The following ABCC8 variants were observed in gnomAD, a reference collection of about 807,000 sequenced individuals.
ABCC8 encodes the protein ATP binding cassette subfamily C member 8.
ABCC8 carries 137 observed loss-of-function variants against 188.0 expected under a neutral mutation model. That is an observed-to-expected ratio of 0.73 (90% CI 0.63 to 0.84). The LOEUF (loss-of-function observed/expected upper bound fraction) is 0.84. Ranked by LOEUF, ABCC8 falls within the 40% of genes least tolerant of loss-of-function variation. The probability of loss-of-function intolerance (pLI) is 0.00; values close to 1 mark genes in which losing one functional copy is unlikely to be tolerated. For synonymous variants in ABCC8, 797 were observed against 846.5 expected, an observed-to-expected ratio of 0.94 and a Z score of 1.01; for missense variants, 1,750 against 2,072.7, an observed-to-expected ratio of 0.84 and a Z score of 3.02.
At position 17,428,323 on chromosome 11, in the gene ABCC8, C is replaced by T; in HGVS notation, c.2006G>A (p.Ser669Asn). ...GCAGTTGTCAGCATCGCCATCTGCA[C>T]TGGGGACCAGGCTCTGCAGTGGGCC... ...LTGPLQSLVP[S>N]ADGDADNCCV... is the part of the protein sequence containing the mutation. The change falls in exon 14 of 39, where the codon AGT (serine) becomes AAT (asparagine). Residue 669 changes from serine to asparagine, a missense_variant. Ser to Asn is a conservative substitution (Grantham distance 46). Coordinates refer to ENST00000389817, the MANE Select transcript of ABCC8 (RefSeq NM_000352.6). 1.2e-6 allele frequency: 2 copies of T among 1,614,194 alleles called. No homozygotes were observed. The highest frequency in any genetic ancestry group is 1.7e-6 in the Non-Finnish European group (2 of 1,180,042).
chr11:17,428,027 T>C, intron 14 of ABCC8, 85 bp from the exon 15 acceptor site: 2 of 1,586,240 alleles, frequency 1.3e-6, no homozygotes, highest in Admixed American at 1.8e-5. Context: ...CCCTCCTCCA[T>C]GAAAGCCAAA....
At chr11:17,431,106 TC>T in intron 11 of ABCC8, 147 bp from the exon 12 acceptor site, 1 of 1,295,680 alleles carries the variant, frequency 7.7e-7, no homozygotes, top group Non-Finnish European at 1.1e-6. Context: ...ACCTTCATCA[TC>T]CCCACAGTCA....
At chr11:17,419,688 T>C (rs1387051794) in intron 16 of ABCC8, among the ~76,000 whole-genome samples, 2 of 152,142 alleles carry the variant, frequency 1.3e-5, no homozygotes, top group African/African-American at 4.8e-5. Context: ...TAGAGCCTCA[T>C]AGAAGAAGTC....
At chr11:17,415,829 C>T (rs1044011281) in intron 17 of ABCC8, among the ~76,000 whole-genome samples, 2 of 152,330 alleles carry the variant, frequency 1.3e-5, no homozygotes, top group South Asian at 2.1e-4. Flanking sequence ...AGCCCTGGAG[C>T]TGCGAGGGCT....
At chr11:17,406,082 G>C (rs1218318572) in intron 26 of ABCC8, among the ~76,000 whole-genome samples, 1 of 152,272 alleles carries the variant, frequency 6.6e-6, no homozygotes, top group Non-Finnish European at 1.5e-5. Context: ...GCCTCGACAA[G>C]GGGCCAGAAA....
In ABCC8 at chr11:17,466,986, A is replaced by G. The variant is rs1848192360; in HGVS notation, c.412+3115T>C. ...CGGCTGTGAATATACTTAATGCCAC[A>G]GAACACTATACTTAAAAACAGTTAA... is the stretch of plus-strand genomic sequence containing the variant. On this transcript the variant is annotated intron_variant, in intron 3 of 38. Transcript: ENST00000389817. Among the ~76,000 whole-genome samples, 3 of 151,882 alleles carry G rather than the reference A, an allele frequency of 2.0e-5. No individual in the cohort carries two copies. The South Asian group carries it at 6.2e-4, about 32-fold the overall frequency.
At chr11:17,467,817 G>A (rs1044587279) in intron 3 of ABCC8, among the ~76,000 whole-genome samples, 8 of 152,236 alleles carry the variant, frequency 5.3e-5, no homozygotes, top group African/African-American at 1.4e-4. Context: ...TCTGTGGAGT[G>A]TCCTTTCAAG....
intron 10 of ABCC8, chr11:17,435,701 G>A (rs1591816634): frequency 7.3e-7 from 1 of 1,379,172 alleles, no homozygotes; most frequent in Non-Finnish European, 1.0e-6. Flanking sequence ...ACAGAGGACA[G>A]TACAGTAAGA....
At chr11:17,420,876 T>G (rs1399234769) in intron 16 of ABCC8, among the ~76,000 whole-genome samples, 1 of 152,248 alleles carries the variant, frequency 6.6e-6, no homozygotes, top group Non-Finnish European at 1.5e-5. Flanking sequence ...ATTTTCCTCT[T>G]AAGGATTAAA....
chr11:17,430,265 G>T, intron 12 of ABCC8: 1 of 188,134 alleles, frequency 5.3e-6, no homozygotes, highest in South Asian at 1.2e-4. Flanking sequence ...TCCCCATGAG[G>T]CTCTAGAGCC....
chr11:17,397,884 C>G (rs923736229), intron 30 of ABCC8, 87 bp from the exon 31 acceptor site: 2 of 1,551,788 alleles, frequency 1.3e-6, no homozygotes, highest in Non-Finnish European at 8.7e-7. Context: ...GGGCAGAGAG[C>G]AGCTCAGCCA....
At chr11:17,459,138 C>T (rs11024293) in intron 6 of ABCC8, among the ~76,000 whole-genome samples, 1,961 of 152,306 alleles carry the variant, frequency 0.013, 42 homozygotes, top group African/African-American at 0.045. Flanking sequence ...ACTTTCTCAT[C>T]TGTAAAATGG....
chr11:17,436,913 AC>A (rs1310499655), intron 10 of ABCC8, among the ~76,000 whole-genome samples: 9 of 151,930 alleles, frequency 5.9e-5, no homozygotes, highest in Admixed American at 6.6e-5. Context: ...ACATGGTGAA[AC>A]CCCATCTCTA....
chr11:17,426,981 T>C (rs1050156850), intron 16 of ABCC8, 68 bp downstream of exon 16: 1 of 1,572,064 alleles, frequency 6.4e-7, no homozygotes, highest in Admixed American at 1.7e-5. Flanking sequence ...TGTGTGTGCA[T>C]CCTCAACTGA....
In ABCC8 at chr11:17,461,741, C is replaced by T. The variant is rs761757944; in HGVS notation, c.664G>A (p.Val222Met). Reference protein sequence around the residue: ...DLGVRFLQPFVNLLSKGTYWW... With the variant: ...DLGVRFLQPFMNLLSKGTYWW... ...TAGGTGCCTTTGGACAGCAGATTCA[C>T]GAAGGGCTGCAGGAAGCGTACCCCC... The change falls in exon 5 of 39, where the codon GTG becomes ATG. Residue 222 changes from valine to methionine, a missense_variant. Coordinates refer to ENST00000389817, the MANE Select transcript of ABCC8 (RefSeq NM_000352.6). The T allele has an allele frequency of 6.8e-5, 109 of 1,614,026 alleles. No individual in the cohort carries two copies. The highest frequency in any genetic ancestry group is 8.9e-5 in the Non-Finnish European group (105 of 1,180,040).
Position 17,407,092 on chromosome 11 carries a change from C to T in ABCC8, c.2958G>A (p.Ser986=), listed in dbSNP as rs58820146. Residue 986 remains serine (S), a synonymous_variant, in exon 25 of 39, where the codon TCG becomes TCA. Coordinates refer to ENST00000389817, the MANE Select transcript of ABCC8 (RefSeq NM_000352.6). ...TCTCAGCACGCTGGTGCAGCATGGA[C>T]GACAGGTTGTCATCCTCCTCGCTCT... ...AAESEEDDNL[S]SMLHQRAEIP... is the part of the protein sequence containing the mutation. 1,074 of 1,613,664 alleles carry T rather than the reference C, an allele frequency of 6.7e-4. 10 individuals are homozygous for T. The African/African-American group carries it at 0.012, about 19-fold the overall frequency.
intron 10 of ABCC8, among the ~76,000 whole-genome samples, chr11:17,442,004 T>A (rs1444555810): frequency 6.6e-6 from 1 of 152,074 alleles, no homozygotes; most frequent in African/African-American, 2.4e-5. Flanking sequence ...CACTTGAACC[T>A]GGGATGTGGA....
chr11:17,476,513 C>A, intron 1 of ABCC8, 116 bp downstream of exon 1: 2 of 1,328,604 alleles, frequency 1.5e-6, no homozygotes, highest in East Asian at 2.6e-5. Flanking sequence ...ACCCCGGGAA[C>A]GAGGCGGACG....
At chr11:17,436,284 A>T in intron 10 of ABCC8, 1 of 412,332 alleles carries the variant, frequency 2.4e-6, no homozygotes, top group Non-Finnish European at 4.6e-6. Context: ...TGGACCTGGG[A>T]AGTCTGGGGT....
Sources: gnomAD v4.1 joint callset for allele counts (sites outside exome capture counted in the v4.1 genomes callset) on GRCh38, gnomAD v4.1.1 for gene constraint, MANE v1.5 for transcripts, NCBI Gene and HGNC (gene_info 2026-07-23, HGNC 2026-07-21) for gene names.